LRRC42: variants seen among roughly 807,000 people sequenced by gnomAD.
LRRC42 encodes leucine rich repeat containing 42.
In LRRC42, 43 loss-of-function variants were observed where a neutral mutation model predicts 44.3. That is an observed-to-expected ratio of 0.97 (90% CI 0.76 to 1.25). The LOEUF is 1.25. LRRC42 is among the 50% of genes most tolerant of loss of function. LRRC42 has a pLI of 0.00. For synonymous variants in LRRC42, 207 were observed against 195.2 expected (o/e 1.06, Z -0.50); for missense variants, 540 against 509.1 (o/e 1.06, Z -0.58).
intron 3 of LRRC42, among the ~76,000 whole-genome samples, chr1:53,954,190 G>A (rs1654768860): frequency 6.6e-6 from 1 of 152,202 alleles, no homozygotes; most frequent in African/African-American, 2.4e-5. Flanking sequence ...TAGAATTAAT[G>A]GTTTCACCAC....
At chr1:53,965,561 G>A (rs1018682467) in intron 7 of LRRC42, among the ~76,000 whole-genome samples, 4 of 150,116 alleles carry the variant, frequency 2.7e-5, no homozygotes, top group South Asian at 2.1e-4. Context: ...CTCACTGCAA[G>A]CTCTGCCTCC....
chr1:53,963,675 T>G (rs905201225), intron 7 of LRRC42, among the ~76,000 whole-genome samples: 12 of 152,192 alleles, frequency 7.9e-5, no homozygotes, highest in Non-Finnish European at 1.8e-4. Context: ...GTGCTTTGCC[T>G]ATGTCTTGGG....
chr1:53,960,718 T>C (rs1398181537), intron 5 of LRRC42, among the ~76,000 whole-genome samples: 2 of 152,206 alleles, frequency 1.3e-5, no homozygotes, highest in African/African-American at 4.8e-5. Context: ...TGCCACTCGC[T>C]GTGTGCAAAC....
Position 53,968,152 on chromosome 1 carries a change from A to G in LRRC42, c.*213A>G. On this transcript the variant is annotated 3_prime_UTR_variant, in exon 9 of 9. Coordinates refer to ENST00000371370, the MANE Select transcript of LRRC42 (RefSeq NM_001256409.2). The stretch of plus-strand genomic sequence containing the variant: ...TACATAGTAATTTTTTCAAATAAAC[A>G]TTTTTGCTGTCCTTAAGTTCTGCTT... 1 of 510,982 alleles carries G rather than the reference A, an allele frequency of 2.0e-6. No individual in the cohort carries two copies. 31.7% of individuals were successfully genotyped at this position (510,982 alleles called of 1,614,324 possible).
At chr1:53,955,595 G>A (rs1466052863) in intron 3 of LRRC42, among the ~76,000 whole-genome samples, 2 of 150,638 alleles carry the variant, frequency 1.3e-5, no homozygotes, top group Non-Finnish European at 2.9e-5. Flanking sequence ...ACCATGCCCA[G>A]CCAGAAAATA....
intron 8 of LRRC42, 125 bp downstream of exon 8, chr1:53,966,505 T>G (rs1390044894): frequency 3.0e-6 from 2 of 662,974 alleles, no homozygotes; most frequent in Admixed American, 2.4e-5. Context: ...TCACCAAGAC[T>G]TGTATTCCCT....
At chr1:53,950,022 C>T (rs1654627497) in intron 2 of LRRC42, among the ~76,000 whole-genome samples, 1 of 152,216 alleles carries the variant, frequency 6.6e-6, no homozygotes, top group South Asian at 2.1e-4. Context: ...ATAGATGAAT[C>T]AAATAAGTAC....
chr1:53,961,920 A>G (rs1471111146), intron 5 of LRRC42, 114 bp from the exon 6 acceptor site: 2 of 728,796 alleles, frequency 2.7e-6, no homozygotes, highest in South Asian at 3.6e-5. Context: ...AAGTTTGCCA[A>G]CTCAAATGTT....
At chr1:53,966,592 C>T (rs1223790262) in intron 8 of LRRC42, among the ~76,000 whole-genome samples, 3 of 152,128 alleles carry the variant, frequency 2.0e-5, no homozygotes, top group Admixed American at 6.5e-5. Context: ...AAATTACTTA[C>T]TTACGTACCA....
chr1:53,952,571 C>A, intron 3 of LRRC42, 99 bp downstream of exon 3: 1 of 953,000 alleles, frequency 1.0e-6, no homozygotes, highest in Non-Finnish European at 1.5e-6. Flanking sequence ...CATCAAATAG[C>A]ACTTCAGTTT....
At position 53,960,335 on chromosome 1, in the gene LRRC42, G is replaced by A. The variant is rs374145295; in HGVS notation, c.606-21G>A. 6.7e-5 allele frequency: 102 copies of A among 1,514,630 alleles called. No homozygotes were observed. In the African/African-American group the frequency reaches 1.2e-3, roughly 17 times the overall value. 93.8% of individuals were successfully genotyped at this position (1,514,630 alleles called of 1,614,324 possible). On this transcript the variant is annotated intron_variant, in intron 4 of 8. Coordinates refer to ENST00000371370, the MANE Select transcript of LRRC42 (RefSeq NM_001256409.2). The stretch of plus-strand genomic sequence containing the variant: ...CTCAAACTCTCTTTGAGTAATTTAT[G>A]TATGTACTTTGTTTCCCTAGTGTAA...
intron 4 of LRRC42, among the ~76,000 whole-genome samples, chr1:53,958,919 C>G (rs1654921984): frequency 6.6e-6 from 1 of 150,862 alleles, no homozygotes; most frequent in Non-Finnish European, 1.5e-5. Context: ...GAGTCTTGCT[C>G]TTGTTGTCCA....
intron 3 of LRRC42, among the ~76,000 whole-genome samples, chr1:53,952,937 A>G (rs1222127426): frequency 2.6e-5 from 4 of 152,208 alleles, no homozygotes; most frequent in Non-Finnish European, 5.9e-5. Context: ...GCAGTTCTCA[A>G]AGTCCCAACA....
chr1:53,958,325 T>G, intron 4 of LRRC42, 45 bp downstream of exon 4: 1 of 1,603,344 alleles, frequency 6.2e-7, no homozygotes, highest in Non-Finnish European at 8.5e-7. Flanking sequence ...TCAGTATTGT[T>G]TTAAAGGCTG....
chr1:53,953,205 A>C (rs1654741806), intron 3 of LRRC42, among the ~76,000 whole-genome samples: 1 of 152,212 alleles, frequency 6.6e-6, no homozygotes, highest in Non-Finnish European at 1.5e-5. Context: ...TGCTGTTACC[A>C]GTTTTTAAAA....
chr1:53,966,445 GT>G (rs1247418844), intron 8 of LRRC42, 65 bp downstream of exon 8: 2 of 1,124,792 alleles, frequency 1.8e-6, no homozygotes, highest in African/African-American at 1.6e-5. Context: ...CAGTTCGCTT[GT>G]TTTCCCTCCT....
At chr1:53,954,506 A>G (rs1418102741) in intron 3 of LRRC42, among the ~76,000 whole-genome samples, 1 of 152,220 alleles carries the variant, frequency 6.6e-6, no homozygotes, top group African/African-American at 2.4e-5. Context: ...TATGATGTAT[A>G]TCTTGTTTTA....
At chr1:53,961,442 C>T (rs1654993809) in intron 5 of LRRC42, among the ~76,000 whole-genome samples, 1 of 152,028 alleles carries the variant, frequency 6.6e-6, no homozygotes, top group Non-Finnish European at 1.5e-5. Flanking sequence ...AATGTCCTCC[C>T]TACCTCCCAG....
chr1:53,960,377 G>A lies in LRRC42; in HGVS notation c.627G>A (p.Lys209=), dbSNP rs775286528. Residue 209 remains lysine (K), a synonymous_variant, in exon 5 of 9, where the codon AAG becomes AAA. Coordinates refer to ENST00000371370, the MANE Select transcript of LRRC42 (RefSeq NM_001256409.2). The part of the protein sequence containing the change: ...ALSSVTQLHL[K]DNCLSDAGVR... Reference sequence around the variant, plus strand: ...CTAGTGTAACTCAGCTCCACCTGAAGGATAATTGTTTATCTGATGCTGGGG... The same window carrying A: ...CTAGTGTAACTCAGCTCCACCTGAAAGATAATTGTTTATCTGATGCTGGGG... The A allele has an allele frequency of 6.2e-7, 1 of 1,613,626 alleles. No homozygotes were observed. The highest frequency in any genetic ancestry group is 8.5e-7 in the Non-Finnish European group (1 of 1,179,850).
Sources: allele counts gnomAD v4.1 joint callset (sites outside exome capture counted in the v4.1 genomes callset), GRCh38; gene constraint gnomAD v4.1.1; transcripts MANE v1.5; gene names NCBI Gene and HGNC (gene_info 2026-07-23, HGNC 2026-07-21).